Variants in FANCA observed in about 807,000 individuals in gnomAD.
FANCA encodes FA complementation group A, also known as Fanconi anemia group A protein.
FANCA carries 236 observed loss-of-function variants against 194.3 expected under a neutral mutation model. The ratio of observed to expected loss-of-function variants is 1.21; its 90% CI spans 1.09 to 1.35. The LOEUF (loss-of-function observed/expected upper bound fraction) is 1.35. Among genes scored for constraint, FANCA ranks in the 40% most tolerant of loss-of-function variants. The pLI, the probability that FANCA is intolerant of heterozygous loss-of-function variation, is 0.00. For synonymous variants in FANCA, 1,014 were observed against 715.8 expected (o/e 1.42, Z -6.65); for missense variants, 2,628 against 1,813.9 (o/e 1.45, Z -8.15).
At chr16:89,753,240 G>T (rs933626478) in intron 30 of FANCA, among the ~76,000 whole-genome samples, 3 of 152,182 alleles carry the variant, frequency 2.0e-5, no homozygotes, top group Non-Finnish European at 4.4e-5. Flanking sequence ...ATCATTGGAG[G>T]TGACTCACAT....
chr16:89,739,147 C>G lies in FANCA; in HGVS notation c.4153G>C (p.Glu1385Gln), dbSNP rs1301606691. ...TVSPPAGRSLELKGQGNPVEL... is the reference protein window; with the variant it reads ...TVSPPAGRSLQLKGQGNPVEL... ...CTTGCACCTGCCTGACCCTTGAGCT[C>G]CAGGCTCCTGCCAGCTGGAGGTGAA... The change falls in exon 41 of 43, where the codon GAG (glutamate) becomes CAG (glutamine). Residue 1385 changes from glutamate (E) to glutamine (Q), a missense_variant. Glu to Gln is a conservative substitution (Grantham distance 29). Transcript: ENST00000389301. 1 of 1,614,156 alleles carries G rather than the reference C, an allele frequency of 6.2e-7. No homozygotes were observed. The highest frequency in any genetic ancestry group is 8.5e-7 in the Non-Finnish European group (1 of 1,180,032).
intron 7 of FANCA, among the ~76,000 whole-genome samples, chr16:89,804,140 A>G (rs550985076): frequency 6.6e-6 from 1 of 152,208 alleles, no homozygotes; most frequent in South Asian, 2.1e-4. Context: ...CCTATCTGGT[A>G]CCAGGTTATA....
intron 22 of FANCA, among the ~76,000 whole-genome samples, chr16:89,772,067 T>C (rs1320773411): frequency 1.3e-5 from 2 of 152,152 alleles, no homozygotes; most frequent in Non-Finnish European, 2.9e-5. Context: ...GAGGGGGACA[T>C]GTTCATTCAC....
chr16:89,775,507 GCA>G (rs1349047790), intron 21 of FANCA, among the ~76,000 whole-genome samples: 1 of 152,230 alleles, frequency 6.6e-6, no homozygotes, highest in African/African-American at 2.4e-5. Context: ...GCTGTGCACT[GCA>G]CACACTCCTT....
chr16:89,792,051 A>G lies in FANCA; in HGVS notation c.1101T>C (p.Ser367=). 1 of 1,614,188 alleles carries G rather than the reference A, an allele frequency of 6.2e-7. No homozygotes were observed. The highest frequency in any genetic ancestry group is 1.1e-5 in the South Asian group (1 of 91,084). Residue 367 remains serine, a synonymous_variant, in exon 13 of 43, where the codon AGT becomes AGC. Transcript: ENST00000389301. ...SLYRRLFVML[S]AEELVGHLQE... is the part of the protein sequence containing the mutation. ...GCAAATGGCCAACCAACTCCTCTGC[A>G]CTCAGCATCACAAAGAGCTGAAATA... is the stretch of plus-strand genomic sequence containing the variant.
Position 89,814,554 on chromosome 16 carries a change from A to C in FANCA, c.249T>G (p.Ser83=). Residue 83 remains serine, a synonymous_variant, in exon 3 of 43, where the codon TCT becomes TCG. Coordinates refer to ENST00000389301, the MANE Select transcript of FANCA (RefSeq NM_000135.4). ...AACTAGAATGATTAGCATAGGCCTCAGAACTGTCACAGTCAATCACTTTGC... is the reference window on the plus strand; with the variant it reads ...AACTAGAATGATTAGCATAGGCCTCCGAACTGTCACAGTCAATCACTTTGC... ...SLSKVIDCDS[S]EAYANHSSSF... is the part of the protein sequence containing the mutation. 6.2e-7 allele frequency: 1 copy of C among 1,613,888 alleles called. No homozygotes were observed. The highest frequency in any genetic ancestry group is 8.5e-7 in the Non-Finnish European group (1 of 1,179,762).
chr16:89,804,431 T>C (rs188785815), intron 7 of FANCA, among the ~76,000 whole-genome samples: 2 of 152,280 alleles, frequency 1.3e-5, no homozygotes, highest in African/African-American at 4.8e-5. Flanking sequence ...GGCGGTTCTC[T>C]AGAGCTGTCC....
intron 8 of FANCA, among the ~76,000 whole-genome samples, chr16:89,801,333 G>A (rs2040444762): frequency 9.3e-6 from 1 of 107,236 alleles, no homozygotes; most frequent in African/African-American, 4.2e-5. Flanking sequence ...GACAGAGCAA[G>A]ACTCTGTCTC....
chr16:89,773,133 CG>C lies in FANCA; in HGVS notation c.2014+137del. ...AAAAAAGGTTCCACACCCGCCAGCC[CG>C]GGGTCAATCTTTAAACTACTGGACT... On this transcript the variant is annotated intron_variant, in intron 22 of 42. Coordinates refer to ENST00000389301, the MANE Select transcript of FANCA (RefSeq NM_000135.4). The C allele has an allele frequency of 4.1e-6, 3 of 733,788 alleles. 1 individual carries two copies. Among genetic ancestry groups the C allele is most frequent in the Non-Finnish European group, 7.1e-6 (3 of 422,060 alleles). 45.5% of individuals were successfully genotyped at this position (733,788 alleles called of 1,614,324 possible). A position where few individuals can be genotyped will look rare whatever the true frequency, so the allele number is the denominator to read the frequency against.
At chr16:89,772,387 G>A (rs1463743763) in intron 22 of FANCA, among the ~76,000 whole-genome samples, 2 of 152,236 alleles carry the variant, frequency 1.3e-5, no homozygotes, top group African/African-American at 2.4e-5. Context: ...CCGCCAAGGC[G>A]CTGCAGCCCC....
chr16:89,740,415 G>C (rs753221476), intron 38 of FANCA: 1 of 466,922 alleles, frequency 2.1e-6, no homozygotes, highest in African/African-American at 1.9e-5. Flanking sequence ...CGAGGTCGGC[G>C]GATCACTGAG....
chr16:89,795,926 G>T lies in FANCA; in HGVS notation c.986C>A (p.Thr329Asn), dbSNP rs757617469. 5.0e-6 allele frequency: 8 copies of T among 1,613,814 alleles called. No homozygotes were observed. The South Asian group carries it at 8.8e-5, about 18-fold the overall frequency. The change falls in exon 11 of 43, where the codon ACT becomes AAT. Residue 329 changes from threonine to asparagine, a missense_variant. Coordinates refer to ENST00000389301, the MANE Select transcript of FANCA (RefSeq NM_000135.4). The stretch of plus-strand genomic sequence containing the variant: ...CCTACCTTTCAGCACAGGGCTGTGA[G>T]TGAGTATCTGAGTCAGGGTATGACT... ...FFSHTLTQIL[T>N]HSPVLKASDA...
chr16:89,775,016 C>T (rs12598214), intron 21 of FANCA, among the ~76,000 whole-genome samples: 9,057 of 151,930 alleles, frequency 0.06, 419 homozygotes, highest in East Asian at 0.22. Flanking sequence ...ACTGCTTGAA[C>T]CCAGGGGGCA....
intron 11 of FANCA, among the ~76,000 whole-genome samples, chr16:89,793,783 C>G (rs911613764): frequency 6.6e-6 from 1 of 152,130 alleles, no homozygotes; most frequent in South Asian, 2.1e-4. Flanking sequence ...CTGAGTCTCA[C>G]TCTGTCACCC....
chr16:89,808,152 T>C, intron 6 of FANCA, 142 bp downstream of exon 6: 1 of 779,686 alleles, frequency 1.3e-6, no homozygotes, highest in Non-Finnish European at 2.3e-6. Flanking sequence ...TAGTCTAGTA[T>C]AAATATGCAA....
At chr16:89,807,744 G>A (rs17225859) in intron 6 of FANCA, among the ~76,000 whole-genome samples, 7,278 of 152,140 alleles carry the variant, frequency 0.048, 626 homozygotes, top group African/African-American at 0.17. Context: ...TTAGCCAGGC[G>A]TGGTGGCGGA....
At chr16:89,796,334 G>A (rs760122233) in intron 10 of FANCA, among the ~76,000 whole-genome samples, 15 of 152,074 alleles carry the variant, frequency 9.9e-5, no homozygotes, top group East Asian at 1.9e-4. Flanking sequence ...AGGCCGCGCC[G>A]CACCCGGGAG....
chr16:89,738,428 C>G lies in FANCA; in HGVS notation c.*173G>C, dbSNP rs568833102. 1.5e-6 allele frequency: 2 copies of G among 1,376,022 alleles called. No individual in the cohort carries two copies. The highest frequency in any genetic ancestry group is 5.0e-5 in the East Asian group (2 of 39,966). 85.2% of individuals were successfully genotyped at this position (1,376,022 alleles called of 1,614,324 possible). ...GCTCTGGGACCAGTGGTTTATTTTC[C>G]CGCAAACGCTGAGTGACTCGGGGCC... On this transcript the variant is annotated 3_prime_UTR_variant, in exon 43 of 43. Transcript: ENST00000389301.
At chr16:89,780,761 T>C (rs2039673107) in intron 17 of FANCA, among the ~76,000 whole-genome samples, 1 of 151,850 alleles carries the variant, frequency 6.6e-6, no homozygotes, top group African/African-American at 2.4e-5. Flanking sequence ...AGACCCTATG[T>C]CTGCAAAAAA....
Sources: allele counts gnomAD v4.1 joint callset (sites outside exome capture counted in the v4.1 genomes callset), GRCh38; gene constraint gnomAD v4.1.1; transcripts MANE v1.5; gene names NCBI Gene and HGNC (gene_info 2026-07-23, HGNC 2026-07-21).